TP53BP1: variants seen among roughly 807,000 people sequenced by gnomAD.
TP53BP1 encodes TP53-binding protein 1.
Under a neutral mutation model 200.8 loss-of-function variants are expected in TP53BP1, and 61 were observed. That is an observed-to-expected ratio of 0.30 (90% CI 0.25 to 0.38). TP53BP1 has a LOEUF of 0.38. Among genes scored for constraint, TP53BP1 ranks in the 10% least tolerant of loss-of-function variants. TP53BP1 has a pLI of 1.00. For missense variants in TP53BP1, 2,144 were observed against 2,371.9 expected, an observed-to-expected ratio of 0.90 and a Z score of 2.00; for synonymous variants, 822 against 844.3, an observed-to-expected ratio of 0.97 and a Z score of 0.46.
At chr15:43,430,165 A>G (rs1336224449) in intron 17 of TP53BP1, among the ~76,000 whole-genome samples, 1 of 152,174 alleles carries the variant, frequency 6.6e-6, no homozygotes, top group Non-Finnish European at 1.5e-5. Flanking sequence ...ATAAAACCAC[A>G]CTTTCCCTTC....
chr15:43,456,022 C>T lies in TP53BP1; in HGVS notation c.2586G>A (p.Glu862=), dbSNP rs2143009854. The T allele has an allele frequency of 1.2e-6, 2 of 1,614,144 alleles. No individual in the cohort carries two copies. The highest frequency in any genetic ancestry group is 4.5e-5 in the East Asian group (2 of 44,882). ...DQELQQPQTQ[E]KTSNSLTEDS... ...CTTCTGTTAATGAATTACTTGTTTT[C>T]TCCTGAGTTTGGGGCTGCTGCAACT... Residue 862 remains glutamate (E), a synonymous_variant, in exon 12 of 28, where the codon GAG becomes GAA. Coordinates refer to ENST00000382044, the MANE Select transcript of TP53BP1 (RefSeq NM_001141980.3).
intron 24 of TP53BP1, among the ~76,000 whole-genome samples, chr15:43,411,133 G>T (rs748015610): frequency 5.1e-4 from 77 of 152,178 alleles, no homozygotes; most frequent in Non-Finnish European, 4.3e-4. Context: ...GGTCTACTTA[G>T]ATTTTAATCC....
At position 43,403,422 on chromosome 15, in the gene TP53BP1, A is replaced by C; in HGVS notation, c.*3961T>G. On this transcript the variant is annotated 3_prime_UTR_variant, in exon 28 of 28. Coordinates refer to ENST00000382044, the MANE Select transcript of TP53BP1 (RefSeq NM_001141980.3). ...GACACTCTGCGGGTCTAAGAAATGA[A>C]GAGTTAAATGTGGCTAGATTGGAGG... 4 of 320,670 alleles carry C rather than the reference A, an allele frequency of 1.2e-5. No individual in the cohort carries two copies. The highest frequency in any genetic ancestry group is 1.7e-5 in the Non-Finnish European group (3 of 172,300). 19.9% of individuals were successfully genotyped at this position (320,670 alleles called of 1,614,324 possible).
rs2044756546 is a variant in TP53BP1 at position 43,403,736 on chromosome 15, G to T, written c.*3647C>A. 1 of 1,613,436 alleles carries T rather than the reference G, an allele frequency of 6.2e-7. No homozygotes were observed. The highest frequency in any genetic ancestry group is 8.5e-7 in the Non-Finnish European group (1 of 1,179,954). ...ATCTCTGTCACAGTTTTTGTTCGCT[G>T]GTCAGTCAGAACCTAGGCCCACTGG... On this transcript the variant is annotated 3_prime_UTR_variant, in exon 28 of 28. Coordinates refer to ENST00000382044, the MANE Select transcript of TP53BP1 (RefSeq NM_001141980.3).
At chr15:43,408,609 C>T (rs1446727207) in intron 26 of TP53BP1, 1 of 400,462 alleles carries the variant, frequency 2.5e-6, no homozygotes. Context: ...AAATCATGCT[C>T]CTGAGCCTAT....
At chr15:43,492,212 T>C in intron 2 of TP53BP1, 72 bp downstream of exon 2, 1 of 1,522,556 alleles carries the variant, frequency 6.6e-7, no homozygotes. Context: ...ATCTTCTAAA[T>C]ACTTATGTTT....
chr15:43,404,231 G>T lies in TP53BP1; in HGVS notation c.*3152C>A, dbSNP rs1433106963. 2 of 628,510 alleles carry T rather than the reference G, an allele frequency of 3.2e-6. No homozygotes were observed. The highest frequency in any genetic ancestry group is 3.7e-5 in the African/African-American group (2 of 54,472). 38.9% of individuals were successfully genotyped at this position (628,510 alleles called of 1,614,324 possible). On this transcript the variant is annotated 3_prime_UTR_variant, in exon 28 of 28. Coordinates refer to ENST00000382044, the MANE Select transcript of TP53BP1 (RefSeq NM_001141980.3). ...AAAGAGTACTTTCATAGGAAGTCATGCATGTATGGATTTGGTACAAGTCAT... is the reference window on the plus strand; with the variant it reads ...AAAGAGTACTTTCATAGGAAGTCATTCATGTATGGATTTGGTACAAGTCAT...
rs938689509 is a variant in TP53BP1, at chr15:43,406,890, G to A, written c.*493C>T. On this transcript the variant is annotated 3_prime_UTR_variant, in exon 28 of 28. Coordinates refer to ENST00000382044, the MANE Select transcript of TP53BP1 (RefSeq NM_001141980.3). ...TGGGGAGTACCCACAGGTGAGCTGT[G>A]ATCTCAGCTCAGAGAGAGAGCATGA... 7 of 271,678 alleles carry A rather than the reference G, an allele frequency of 2.6e-5. No individual in the cohort carries two copies. Among genetic ancestry groups the A allele is most frequent in the African/African-American group, 1.1e-4 (5 of 44,746 alleles). 16.8% of individuals were successfully genotyped at this position (271,678 alleles called of 1,614,324 possible).
chr15:43,437,395 C>T (rs1371265172), intron 16 of TP53BP1, among the ~76,000 whole-genome samples: 2 of 152,106 alleles, frequency 1.3e-5, no homozygotes, highest in African/African-American at 4.8e-5. Context: ...CACTTCTGGA[C>T]GCCAAGGTGG....
intron 17 of TP53BP1, among the ~76,000 whole-genome samples, chr15:43,429,238 A>G (rs1244227014): frequency 1.3e-5 from 2 of 152,202 alleles, no homozygotes; most frequent in Admixed American, 6.5e-5. Context: ...TCGAATCATT[A>G]GTTAGTTTGA....
intron 15 of TP53BP1, among the ~76,000 whole-genome samples, chr15:43,438,885 T>C (rs768328073): frequency 1.2e-4 from 18 of 152,128 alleles, no homozygotes; most frequent in African/African-American, 4.1e-4. Flanking sequence ...AATCTGAACA[T>C]TGAATATTTC....
intron 11 of TP53BP1, among the ~76,000 whole-genome samples, chr15:43,461,648 A>G (rs1482253042): frequency 1.3e-5 from 2 of 151,942 alleles, no homozygotes; most frequent in East Asian, 1.9e-4. Flanking sequence ...CTATTTTAGT[A>G]AAAAATTATG....
At position 43,493,126 on chromosome 15, in the gene TP53BP1, T is replaced by C. The variant is rs972825465; in HGVS notation, c.-83A>G. 1.3e-5 allele frequency: 21 copies of C among 1,591,786 alleles called. No individual in the cohort carries two copies. The South Asian group carries it at 1.6e-4, about 12-fold the overall frequency. On this transcript the variant is annotated 5_prime_UTR_variant, in exon 1 of 28. Coordinates refer to ENST00000382044, the MANE Select transcript of TP53BP1 (RefSeq NM_001141980.3). ...TCCAGATCGATCCCTAGGTCGCCGC[T>C]GTCGCCACCGCCGCCACCGGCCGCG...
intron 4 of TP53BP1, among the ~76,000 whole-genome samples, chr15:43,487,586 A>G (rs1454400645): frequency 6.6e-6 from 1 of 152,110 alleles, no homozygotes; most frequent in East Asian, 1.9e-4. Context: ...TGAGGTCAGG[A>G]GTTCAAAACC....
intron 14 of TP53BP1, among the ~76,000 whole-genome samples, chr15:43,442,173 C>T (rs1189633440): frequency 7.4e-5 from 11 of 149,192 alleles, no homozygotes; most frequent in African/African-American, 2.7e-4. Context: ...GCAAGCTCTG[C>T]CTCCCGGGTT....
At chr15:43,428,411 A>C (rs1435691250) in intron 17 of TP53BP1, among the ~76,000 whole-genome samples, 3 of 152,206 alleles carry the variant, frequency 2.0e-5, no homozygotes, top group African/African-American at 7.2e-5. Context: ...TCTAAATCAA[A>C]ATCATTACAT....
chr15:43,510,019 G>A (rs748508840), intron 1 of TP53BP1, among the ~76,000 whole-genome samples: 3 of 152,158 alleles, frequency 2.0e-5, no homozygotes, highest in Non-Finnish European at 2.9e-5. Context: ...GGGGAGGCTA[G>A]ACTAACAGCA....
At chr15:43,501,104 T>C (rs1159818248) in intron 1 of TP53BP1, among the ~76,000 whole-genome samples, 1 of 152,220 alleles carries the variant, frequency 6.6e-6, no homozygotes, top group African/African-American at 2.4e-5. Context: ...ATTCAATAGT[T>C]AGGCTTGTTT....
At chr15:43,416,022 A>G (rs1306947849) in intron 22 of TP53BP1, among the ~76,000 whole-genome samples, 3 of 152,192 alleles carry the variant, frequency 2.0e-5, no homozygotes, top group Non-Finnish European at 4.4e-5. Flanking sequence ...GAGGCCAGAA[A>G]AACCCTAAGG....
Sources: gnomAD v4.1 joint callset for allele counts (sites outside exome capture counted in the v4.1 genomes callset) on GRCh38, gnomAD v4.1.1 for gene constraint, MANE v1.5 for transcripts, NCBI Gene and HGNC (gene_info 2026-07-23, HGNC 2026-07-21) for gene names.